GYS2: variants seen among roughly 807,000 people sequenced by gnomAD.
The protein encoded by GYS2 is glycogen synthase 2.
A neutral mutation model predicts 85.6 loss-of-function variants in GYS2; 80 were observed. The observed-to-expected ratio is 0.93, with a 90% CI of 0.78 to 1.13. The LOEUF (loss-of-function observed/expected upper bound fraction) is 1.13, where lower values mean the gene tolerates loss of function less well. Among genes scored for constraint, GYS2 ranks in the 50% most tolerant of loss-of-function variants. The pLI is 0.00. For synonymous variants in GYS2, 328 were observed against 300.7 expected (o/e 1.09, Z -0.94); for missense variants, 881 against 854.9 (o/e 1.03, Z -0.38).
chr12:21,592,230 TA>T lies in GYS2; in HGVS notation c.122-11708del, dbSNP rs990981403. Among the ~76,000 whole-genome samples, 229 of 134,026 alleles carry T rather than the reference TA, an allele frequency of 1.7e-3. 1 individual carries two copies. Among genetic ancestry groups the T allele is most frequent in the African/African-American group, 6.0e-3 (217 of 36,314 alleles). 87.9% of individuals were successfully genotyped at this position (134,026 alleles called of 152,430 possible). ...AGAAAAAAACACAAAACAAACAAAC[TA>T]AAAAAAAAACAAAACAACCAGGAAT... On this transcript the variant is annotated intron_variant, in intron 1 of 15. Transcript: ENST00000261195.
intron 15 of GYS2, 188 bp from the exon 16 acceptor site, chr12:21,537,363 T>A: frequency 1.6e-6 from 1 of 616,878 alleles, no homozygotes. Context: ...AATATATAGC[T>A]ATTCTTTATT....
intron 3 of GYS2, 114 bp from the exon 4 acceptor site, chr12:21,574,440 G>A: frequency 1.3e-6 from 1 of 762,788 alleles, no homozygotes; most frequent in Non-Finnish European, 2.3e-6. Flanking sequence ...CAACTTAAAG[G>A]AGTCGAAACA....
rs374149230 is a variant in GYS2, at chr12:21,550,449, C to T, written c.1423-3979G>A. The stretch of plus-strand genomic sequence containing the variant: ...TACACTCCCTCACATGCACGGATGC[C>T]CTCCTCTCTCCATTCTGGCTCTGAC... On this transcript the variant is annotated intron_variant, in intron 11 of 15. Coordinates refer to ENST00000261195, the MANE Select transcript of GYS2 (RefSeq NM_021957.4). Among the ~76,000 whole-genome samples the T allele has an allele frequency of 5.3e-5, 8 of 152,152 alleles. No homozygotes were observed. In the East Asian group the frequency reaches 1.2e-3, roughly 22 times the overall value.
chr12:21,573,088 A>G (rs1944404545), intron 4 of GYS2, among the ~76,000 whole-genome samples: 1 of 152,154 alleles, frequency 6.6e-6, no homozygotes, highest in East Asian at 1.9e-4. Context: ...AATTAGGCTG[A>G]CCTTTTTATA....
At chr12:21,585,237 G>A (rs144735203) in intron 1 of GYS2, among the ~76,000 whole-genome samples, 2,426 of 152,270 alleles carry the variant, frequency 0.016, 27 homozygotes, top group Non-Finnish European at 0.024. Context: ...TCCAGAGGGA[G>A]GAACACTGCC....
chr12:21,560,493 C>A lies in GYS2; in HGVS notation c.1063-1G>T. 7.4e-7 allele frequency: 1 copy of A among 1,346,250 alleles called. No homozygotes were observed. The highest frequency in any genetic ancestry group is 1.1e-6 in the Non-Finnish European group (1 of 934,796). The allele number at this position is 1,346,250 out of a possible 1,614,324, so 83.4% of individuals were successfully genotyped here. ...TCACTGTGATGTCACTTTTATGCATCTGATGAGGAATTAGAAAACACAGAG... is the reference window on the plus strand; with the variant it reads ...TCACTGTGATGTCACTTTTATGCATATGATGAGGAATTAGAAAACACAGAG... On this transcript the variant is annotated splice_acceptor_variant, in intron 7 of 15. Coordinates refer to ENST00000261195, the MANE Select transcript of GYS2 (RefSeq NM_021957.4). LOFTEE classifies it high-confidence loss of function.
intron 1 of GYS2, among the ~76,000 whole-genome samples, chr12:21,595,480 A>T (rs903622687): frequency 6.6e-6 from 1 of 152,216 alleles, no homozygotes; most frequent in Non-Finnish European, 1.5e-5. Flanking sequence ...AGCAAAATAC[A>T]GGTGTAGAGG....
chr12:21,536,617 C>A lies in GYS2; in HGVS notation c.*337G>T. 3.3e-6 allele frequency: 1 copy of A among 303,802 alleles called. No homozygotes were observed. The highest frequency in any genetic ancestry group is 6.2e-6 in the Non-Finnish European group (1 of 161,286). 18.8% of individuals were successfully genotyped at this position (303,802 alleles called of 1,614,324 possible). The stretch of plus-strand genomic sequence containing the variant: ...GTAGAGAAGCTGCATAAATAGTAAG[C>A]AAAGGATTATGATGATCATTTAAAA... On this transcript the variant is annotated 3_prime_UTR_variant, in exon 16 of 16. Coordinates refer to ENST00000261195, the MANE Select transcript of GYS2 (RefSeq NM_021957.4).
intron 11 of GYS2, among the ~76,000 whole-genome samples, chr12:21,553,589 C>T (rs1462144202): frequency 6.6e-6 from 1 of 152,112 alleles, no homozygotes; most frequent in Non-Finnish European, 1.5e-5. Context: ...AATCCCTATC[C>T]CTATTAATAG....
At chr12:21,547,912 T>C (rs1193114381) in intron 11 of GYS2, among the ~76,000 whole-genome samples, 2 of 152,188 alleles carry the variant, frequency 1.3e-5, no homozygotes, top group East Asian at 1.9e-4. Context: ...AACCTAAAAC[T>C]GTTCTAAAAA....
intron 1 of GYS2, among the ~76,000 whole-genome samples, chr12:21,589,817 G>A (rs988924508): frequency 2.0e-5 from 3 of 152,042 alleles, no homozygotes; most frequent in Admixed American, 6.6e-5. Context: ...GCTCTCACTG[G>A]GTCCCACCCC....
chr12:21,592,869 C>T (rs1334576365), intron 1 of GYS2, among the ~76,000 whole-genome samples: 2 of 151,950 alleles, frequency 1.3e-5, no homozygotes, highest in Non-Finnish European at 2.9e-5. Context: ...CCAGGATACA[C>T]CATATGTTAG....
intron 2 of GYS2, among the ~76,000 whole-genome samples, chr12:21,577,872 C>A (rs1324933227): frequency 6.6e-6 from 1 of 152,138 alleles, no homozygotes; most frequent in Non-Finnish European, 1.5e-5. Context: ...TGTTTGCTAT[C>A]CAAAAATATT....
rs925399475 is a variant in GYS2 at position 21,537,390 on chromosome 12, T to G, written c.1891-215A>C. 8 of 588,444 alleles carry G rather than the reference T, an allele frequency of 1.4e-5. No individual in the cohort carries two copies. The East Asian group carries it at 2.3e-4, about 17-fold the overall frequency. 36.5% of individuals were successfully genotyped at this position (588,444 alleles called of 1,614,324 possible). A position where few individuals can be genotyped will look rare whatever the true frequency, so the allele number is the denominator to read the frequency against. On this transcript the variant is annotated intron_variant, in intron 15 of 15. Coordinates refer to ENST00000261195, the MANE Select transcript of GYS2 (RefSeq NM_021957.4). Reference sequence around the variant, plus strand: ...TTCTTTATTAAGTACTGAAATGTGCTAAGTGTTATATACATATTATTATCA... The same window carrying G: ...TTCTTTATTAAGTACTGAAATGTGCGAAGTGTTATATACATATTATTATCA...
intron 12 of GYS2, among the ~76,000 whole-genome samples, chr12:21,545,861 A>G (rs1171878954): frequency 1.3e-5 from 2 of 152,172 alleles, no homozygotes; most frequent in Non-Finnish European, 2.9e-5. Flanking sequence ...TTTTATATTT[A>G]TTTCCCTAAC....
At chr12:21,533,690 T>A (rs911045751), downstream of GYS2, among the ~76,000 whole-genome samples, 3 of 152,206 alleles carry the variant, frequency 2.0e-5, no homozygotes, top group African/African-American at 7.2e-5. Flanking sequence ...CCTTGTAACA[T>A]TTATGTTCTC....
intron 11 of GYS2, among the ~76,000 whole-genome samples, chr12:21,550,347 A>G (rs966293120): frequency 1.2e-5 from 1 of 83,046 alleles, no homozygotes; most frequent in Non-Finnish European, 2.9e-5. Context: ...ACACACACAC[A>G]CACACCCCTG....
intron 9 of GYS2, 92 bp downstream of exon 9, chr12:21,559,559 G>T: frequency 1.3e-6 from 1 of 780,080 alleles, no homozygotes; most frequent in Non-Finnish European, 2.3e-6. Context: ...CTTGATATTT[G>T]GAACAAAATT....
chr12:21,563,320 A>G lies in GYS2; in HGVS notation c.849T>C (p.Asn283=), dbSNP rs1186358290. ...KPDVVTPNGL[N]VKKFSAVHEF... ...CATGCACTGCTGAAAATTTCTTAACATTCAAGCCGTTTGGAGTAACTACAT... is the reference window on the plus strand; with the variant it reads ...CATGCACTGCTGAAAATTTCTTAACGTTCAAGCCGTTTGGAGTAACTACAT... Residue 283 remains asparagine (N), a synonymous_variant, in exon 6 of 16, where the codon AAT becomes AAC. Coordinates refer to ENST00000261195, the MANE Select transcript of GYS2 (RefSeq NM_021957.4). 1.2e-6 allele frequency: 2 copies of G among 1,606,312 alleles called. No homozygotes were observed. The highest frequency in any genetic ancestry group is 1.1e-5 in the South Asian group (1 of 90,896).
Sources: allele counts gnomAD v4.1 joint callset (sites outside exome capture counted in the v4.1 genomes callset), GRCh38; gene constraint gnomAD v4.1.1; transcripts MANE v1.5; gene names NCBI Gene and HGNC (gene_info 2026-07-23, HGNC 2026-07-21).